GAB3: variants seen among roughly 807,000 people sequenced by gnomAD.
GAB3 encodes the protein GRB2-associated-binding protein 3.
A neutral mutation model predicts 40.4 loss-of-function variants in GAB3; 12 were observed. That is an observed-to-expected ratio of 0.30 (90% confidence interval 0.19 to 0.48). The LOEUF is 0.48. Ranked by LOEUF, GAB3 falls within the 20% of genes least tolerant of loss-of-function variation. The pLI, the probability that GAB3 is intolerant of heterozygous loss-of-function variation, is 0.99. For missense variants in GAB3, 381 were observed against 461.9 expected (o/e 0.82, Z 1.61); for synonymous variants, 154 against 176.7 (o/e 0.87, Z 1.02).
At chrX:154,745,508 T>C (rs1195721813) in intron 1 of GAB3, among the ~76,000 whole-genome samples, 1 of 111,093 alleles carries the variant, frequency 9.0e-6, no homozygotes. Flanking sequence ...ATTAATGAAA[T>C]TGAAAGCAGG....
At chrX:154,679,789 C>G (rs1557246414) in intron 9 of GAB3, among the ~76,000 whole-genome samples, 1 of 111,684 alleles carries the variant, frequency 9.0e-6, no homozygotes, top group Admixed American at 9.5e-5. Flanking sequence ...CCAAACTAGA[C>G]TATTACTTGT....
At chrX:154,688,472 G>T (rs1488005701) in intron 8 of GAB3, among the ~76,000 whole-genome samples, 2 of 110,247 alleles carry the variant, frequency 1.8e-5, no homozygotes, top group African/African-American at 6.6e-5. Flanking sequence ...TAGAGACAGG[G>T]TTTCACCATG....
chrX:154,711,272 C>G (rs1174751384), intron 4 of GAB3, among the ~76,000 whole-genome samples: 1 of 111,801 alleles, frequency 8.9e-6, no homozygotes, highest in Non-Finnish European at 1.9e-5. Context: ...GAGAAAGACA[C>G]AGAGATAGAC....
In GAB3 at chrX:154,712,519, C is replaced by T. The variant is rs782091053; in HGVS notation, c.779G>A (p.Ser260Asn). Residue 260 changes from serine to asparagine, a missense_variant, in exon 4 of 10, where the codon AGT becomes AAT. This residue lies in a region of GAB3 where 364 missense variants were observed against 421.0 expected (regional missense o/e 0.86). Transcript: ENST00000424127. The stretch of plus-strand genomic sequence containing the variant: ...CCTGGGTGGCCCATTGATTTCTCTA[C>T]TCCAGATCAGGGCAGCCTGAGGCCT... Reference protein sequence around the residue: ...SSRPQAALIWSREINGPPRDH... With the variant: ...SSRPQAALIWNREINGPPRDH... 33 of 1,203,340 alleles carry T rather than the reference C, an allele frequency of 2.7e-5. No individual in the cohort carries two copies. The highest frequency in any genetic ancestry group is 2.3e-4 in the Middle Eastern group (1 of 4,312).
chrX:154,710,348 T>C (rs782177967), intron 4 of GAB3, among the ~76,000 whole-genome samples: 13 of 111,437 alleles, frequency 1.2e-4, no homozygotes, highest in Non-Finnish European at 1.5e-4. Flanking sequence ...GACCCTAGAA[T>C]AGCCATTATA....
At chrX:154,741,540 G>A (rs1557261262) in intron 1 of GAB3, among the ~76,000 whole-genome samples, 1 of 109,376 alleles carries the variant, frequency 9.1e-6, no homozygotes, top group South Asian at 4.0e-4. Flanking sequence ...GCCGGGTGCA[G>A]TGGCAGGCGC....
chrX:154,709,535 G>C (rs937732404), intron 4 of GAB3, among the ~76,000 whole-genome samples: 2 of 109,057 alleles, frequency 1.8e-5, no homozygotes, highest in Non-Finnish European at 1.9e-5. Flanking sequence ...GGCCAGGCTG[G>C]TCTTGAACCT....
In GAB3 at chrX:154,743,476, T is replaced by C. The variant is rs782252582; in HGVS notation, c.72+7478A>G. Among the ~76,000 whole-genome samples, 6 of 111,923 alleles carry C rather than the reference T, an allele frequency of 5.4e-5. No homozygotes were observed. In the South Asian group the frequency reaches 1.9e-3, roughly 35 times the overall value. On this transcript the variant is annotated intron_variant, in intron 1 of 9. Transcript: ENST00000424127. ...ATAAAAGTTTAGTTTTTTCTCTTTG[T>C]TTTAATTGACTGAAAAGATAACTGG...
At chrX:154,750,685 A>G (rs1557262555) in intron 1 of GAB3, among the ~76,000 whole-genome samples, 3 of 112,041 alleles carry the variant, frequency 2.7e-5, no homozygotes, top group African/African-American at 9.7e-5. Flanking sequence ...TTCAGCCCCA[A>G]CCCGCCTCCC....
intron 4 of GAB3, among the ~76,000 whole-genome samples, chrX:154,708,973 C>CGG (rs2070863058): frequency 8.9e-6 from 1 of 111,764 alleles, no homozygotes; most frequent in Non-Finnish European, 1.9e-5. Context: ...CTGTGTCCCC[C>CGG]ACAAATCTCA....
chrX:154,731,234 C>T (rs2071285753), intron 1 of GAB3, among the ~76,000 whole-genome samples: 1 of 111,925 alleles, frequency 8.9e-6, no homozygotes, highest in Non-Finnish European at 1.9e-5. Flanking sequence ...TGCAAAATTA[C>T]GGGTTGAAAC....
intron 6 of GAB3, among the ~76,000 whole-genome samples, chrX:154,698,725 G>A (rs1395159039): frequency 8.9e-6 from 1 of 112,126 alleles, no homozygotes; most frequent in African/African-American, 3.2e-5. Flanking sequence ...GAAGCTGCCT[G>A]GGAGTAAGAC....
intron 1 of GAB3, among the ~76,000 whole-genome samples, chrX:154,719,149 G>T (rs1212467951): frequency 2.7e-5 from 3 of 111,579 alleles, no homozygotes; most frequent in Non-Finnish European, 5.7e-5. Context: ...TGGTGGGAGT[G>T]CAATGGGAAG....
At chrX:154,743,972 T>C (rs1184501755) in intron 1 of GAB3, among the ~76,000 whole-genome samples, 1 of 110,754 alleles carries the variant, frequency 9.0e-6, no homozygotes, top group Non-Finnish European at 1.9e-5. Context: ...TCCCAGCACT[T>C]TGGGAGGCCA....
chrX:154,701,967 C>T (rs1000255455), intron 4 of GAB3, among the ~76,000 whole-genome samples: 6 of 111,629 alleles, frequency 5.4e-5, no homozygotes, highest in Admixed American at 9.5e-5. Flanking sequence ...AATGCAATCC[C>T]TACCAAAATA....
chrX:154,731,031 G>T (rs2071283842), intron 1 of GAB3, among the ~76,000 whole-genome samples: 1 of 112,280 alleles, frequency 8.9e-6, no homozygotes, highest in Non-Finnish European at 1.9e-5. Context: ...CAAGAGGTCT[G>T]TGTTCAAGTA....
At chrX:154,711,025 T>C (rs952464793) in intron 4 of GAB3, among the ~76,000 whole-genome samples, 6 of 112,204 alleles carry the variant, frequency 5.3e-5, no homozygotes, top group African/African-American at 9.7e-5. Flanking sequence ...ATCTATTTCA[T>C]AAGGACTGTC....
chrX:154,723,265 C>T (rs782765465), intron 1 of GAB3, among the ~76,000 whole-genome samples: 6 of 111,982 alleles, frequency 5.4e-5, no homozygotes, highest in Non-Finnish European at 1.1e-4. Context: ...CAATATTTAC[C>T]GAGTGTCCAC....
chrX:154,739,286 T>C (rs1383947554), intron 1 of GAB3, among the ~76,000 whole-genome samples: 2 of 112,252 alleles, frequency 1.8e-5, no homozygotes, highest in Non-Finnish European at 3.8e-5. Context: ...CCATGTGTAT[T>C]GCAGCACTAT....
Sources: allele counts gnomAD v4.1 joint callset (sites outside exome capture counted in the v4.1 genomes callset), GRCh38; gene constraint gnomAD v4.1.1; regional missense constraint gnomAD v4.1.1; transcripts MANE v1.5; gene names NCBI Gene and HGNC (gene_info 2026-07-23, HGNC 2026-07-21).